The following RYR1 variants were observed in gnomAD, a reference collection of about 807,000 sequenced individuals.
The protein encoded by RYR1 is central core disease of muscle.
Under a neutral mutation model 583.5 loss-of-function variants are expected in RYR1, and 342 were observed. That is an observed-to-expected ratio of 0.59 (90% CI 0.54 to 0.64). RYR1 has a LOEUF of 0.64. Among genes scored for constraint, RYR1 ranks in the 30% least tolerant of loss-of-function variants. The pLI, the probability that RYR1 is intolerant of heterozygous loss-of-function variation, is 0.00. For synonymous variants in RYR1, 2,791 were observed against 2,822.5 expected (o/e 0.99, Z 0.35); for missense variants, 6,032 against 6,917.2 (o/e 0.87, Z 4.54).
At chr19:38,521,097 A>T (rs1199118336) in intron 67 of RYR1, among the ~76,000 whole-genome samples, 1 of 152,106 alleles carries the variant, frequency 6.6e-6, no homozygotes, top group Non-Finnish European at 1.5e-5. Flanking sequence ...CAACATGGCT[A>T]GACCCTGTCT....
At chr19:38,520,147 C>T (rs1971160859) in intron 67 of RYR1, among the ~76,000 whole-genome samples, 1 of 147,110 alleles carries the variant, frequency 6.8e-6, no homozygotes, top group Non-Finnish European at 1.5e-5. Flanking sequence ...ATGATCATGG[C>T]TTGCTGCAGC....
Position 38,565,453 on chromosome 19 carries a change from G to A in RYR1, c.13119G>A (p.Lys4373=). The A allele has an allele frequency of 6.7e-7, 1 of 1,500,254 alleles. No individual in the cohort carries two copies. Among genetic ancestry groups the A allele is most frequent in the Non-Finnish European group, 8.8e-7 (1 of 1,132,122 alleles). The allele number at this position is 1,500,254 out of a possible 1,614,324, so 92.9% of individuals were successfully genotyped here. ...GCGGCCTGGTGGAGGGCGCCAAGAAGGTGACGGTGACCGAGCTCCTGGCAG... is the reference window on the plus strand; with the variant it reads ...GCGGCCTGGTGGAGGGCGCCAAGAAAGTGACGGTGACCGAGCTCCTGGCAG... ...FGGGLVEGAK[K]VTVTELLAGM... The change falls in exon 91 of 106, where the codon AAG becomes AAA. Residue 4373 remains lysine (K), a synonymous_variant. Coordinates refer to ENST00000359596, the MANE Select transcript of RYR1 (RefSeq NM_000540.3). This position sits in a 1 kb window ranked among gnomAD's most constrained non-coding sequence, Gnocchi z 4.7.
chr19:38,467,742 C>T lies in RYR1; in HGVS notation c.3311C>T (p.Ala1104Val), dbSNP rs149096607. 44 of 1,614,082 alleles carry T rather than the reference C, an allele frequency of 2.7e-5. No individual in the cohort carries two copies. The highest frequency in any genetic ancestry group is 2.2e-4 in the Admixed American group (13 of 59,998). ...VTTGEMRVGW[A>V]RPELRPDVEL... ...ACAGGCGAGATGCGCGTGGGCTGGG[C>T]GAGGCCCGAGCTGAGGCCTGATGTA... The change falls in exon 25 of 106, where the codon GCG (alanine) becomes GTG (valine). Residue 1104 changes from alanine to valine, a missense_variant. Coordinates refer to ENST00000359596, the MANE Select transcript of RYR1 (RefSeq NM_000540.3).
In RYR1 at chr19:38,486,155, G is replaced by A. The variant is rs1485656805; in HGVS notation, c.5500G>A (p.Val1834Met). 6 of 1,612,982 alleles carry A rather than the reference G, an allele frequency of 3.7e-6. No homozygotes were observed. Among genetic ancestry groups the A allele is most frequent in the Middle Eastern group, 1.6e-4 (1 of 6,084 alleles). ...CGCTCGCGACCCCGTCGGGGGCTCC[G>A]TGGAGTTCCAGTTTGTGCCTGTGCT... is the stretch of plus-strand genomic sequence containing the variant. Reference protein sequence around the residue: ...QHARDPVGGSVEFQFVPVLKL... With the variant: ...QHARDPVGGSMEFQFVPVLKL... The change falls in exon 34 of 106, where the codon GTG becomes ATG. Residue 1834 changes from valine to methionine, a missense_variant. By Grantham distance (21) the Val-to-Met change is conservative (BLOSUM62 1). Around this residue, in one of 11 missense-constraint regions of RYR1, gnomAD observed 2,627 missense variants for 2,961.3 expected, o/e 0.89. Transcript: ENST00000359596.
chr19:38,515,052 C>T lies in RYR1; in HGVS notation c.9499C>T (p.Arg3167Ter), dbSNP rs1171637302. 7 of 1,613,568 alleles carry T rather than the reference C, an allele frequency of 4.3e-6. No homozygotes were observed. Among genetic ancestry groups the T allele is most frequent in the South Asian group, 1.1e-5 (1 of 91,030 alleles). ...GGACGACGTCCAGGTCTCTTGCTAC[C>T]GAACGCTGTGCAGTATCTACTCCCT... ...ILDDVQVSCY[R>*]TLCSIYSLGT... is the part of the protein sequence containing the mutation. The change falls in exon 64 of 106, where the codon CGA becomes TGA. Residue 3167 changes from arginine (R) to a stop codon, truncating the protein, a stop_gained. Transcript: ENST00000359596. LOFTEE classifies it high-confidence loss of function.
rs1971017559 is a variant in RYR1 at position 38,517,367 on chromosome 19, C to A, written c.9694C>A (p.Leu3232Ile). 6.2e-7 allele frequency: 1 copy of A among 1,613,592 alleles called. No homozygotes were observed. The highest frequency in any genetic ancestry group is 1.1e-5 in the South Asian group (1 of 91,066). Residue 3232 changes from leucine (L) to isoleucine (I), a missense_variant, in exon 66 of 106, where the codon CTC becomes ATC. By Grantham distance (5) the Leu-to-Ile change is conservative. This residue lies in a region of RYR1 where 1,493 missense variants were observed against 1,715.5 expected (regional missense o/e 0.87). Transcript: ENST00000359596. Reference sequence around the variant, plus strand: ...CCGTCCCTGTACCCCAGTCCTGGGGCTCCCCAACAGTGTGGAGGAGATGTG... The same window carrying A: ...CCGTCCCTGTACCCCAGTCCTGGGGATCCCCAACAGTGTGGAGGAGATGTG... Reference protein sequence around the residue: ...KSPRERAILGLPNSVEEMCPD... With the variant: ...KSPRERAILGIPNSVEEMCPD...
At chr19:38,574,187 G>A (rs749136561) in intron 96 of RYR1, among the ~76,000 whole-genome samples, 1 of 150,062 alleles carries the variant, frequency 6.7e-6, no homozygotes, top group Non-Finnish European at 1.5e-5. Context: ...TTAAACCTGC[G>A]AGGTGGAGGT....
At chr19:38,542,684 A>G (rs1469373084) in intron 84 of RYR1, among the ~76,000 whole-genome samples, 3 of 151,274 alleles carry the variant, frequency 2.0e-5, no homozygotes, top group Admixed American at 2.0e-4. Flanking sequence ...ACACCTGGCT[A>G]ATTTTGTATT....
At chr19:38,461,743 AAG>A (rs1967762546) in intron 20 of RYR1, among the ~76,000 whole-genome samples, 5 of 139,670 alleles carry the variant, frequency 3.6e-5, no homozygotes, top group African/African-American at 1.3e-4. Context: ...AAAAAAAAGA[AAG>A]GGAGAGAGAG....
intron 72 of RYR1, 85 bp from the exon 73 acceptor site, chr19:38,527,562 G>A: frequency 1.9e-6 from 3 of 1,566,220 alleles, no homozygotes; most frequent in Non-Finnish European, 2.6e-6. Flanking sequence ...CACCCATTGA[G>A]TCCTCCCAAA....
At chr19:38,533,245 A>G (rs1281324055) in intron 78 of RYR1, among the ~76,000 whole-genome samples, 1 of 152,172 alleles carries the variant, frequency 6.6e-6, no homozygotes, top group African/African-American at 2.4e-5. Context: ...CCAGGCAGCA[A>G]GAAAGAGCTA....
At position 38,528,595 on chromosome 19, in the gene RYR1, G is replaced by A. The variant is rs374114373; in HGVS notation, c.10938-4G>A. ...CCCAGTGACGTCACACCTCTCCCCTGCAGGCACCGGGCATGTAACATGTTC... is the reference window on the plus strand; with the variant it reads ...CCCAGTGACGTCACACCTCTCCCCTACAGGCACCGGGCATGTAACATGTTC... On this transcript the variant is annotated splice_region_variant and splice_polypyrimidine_tract_variant and intron_variant, in intron 74 of 105. Transcript: ENST00000359596. 1.9e-5 allele frequency: 31 copies of A among 1,614,124 alleles called. No individual in the cohort carries two copies. In the African/African-American group the frequency reaches 3.9e-4, roughly 20 times the overall value.
chr19:38,502,481 C>T (rs1190841473), intron 47 of RYR1, 26 bp from the exon 48 acceptor site: 3 of 1,592,684 alleles, frequency 1.9e-6, no homozygotes, highest in South Asian at 2.3e-5. Flanking sequence ...GTGCAGCGGG[C>T]CTGATGTCCT....
chr19:38,522,624 G>A (rs1279095700), intron 67 of RYR1, among the ~76,000 whole-genome samples: 2 of 150,278 alleles, frequency 1.3e-5, no homozygotes, highest in African/African-American at 5.0e-5. Flanking sequence ...GAAAGAAAGA[G>A]AGAGAGAGAG....
At chr19:38,519,827 T>C (rs1971143941) in intron 67 of RYR1, among the ~76,000 whole-genome samples, 1 of 151,886 alleles carries the variant, frequency 6.6e-6, no homozygotes. Flanking sequence ...TACAGGTGCA[T>C]GCCACCACGC....
At chr19:38,517,883 A>T (rs1971048021) in intron 66 of RYR1, among the ~76,000 whole-genome samples, 192 bp downstream of exon 66, 1 of 152,126 alleles carries the variant, frequency 6.6e-6, no homozygotes, top group Non-Finnish European at 1.5e-5. Flanking sequence ...CTTTGGGAGG[A>T]TCAGTTGAGG....
intron 47 of RYR1, among the ~76,000 whole-genome samples, chr19:38,501,508 T>G (rs1258765599): frequency 6.6e-6 from 1 of 152,118 alleles, no homozygotes; most frequent in Admixed American, 6.5e-5. Context: ...AAAAAAATAT[T>G]TTGTTCGCAG....
chr19:38,464,775 C>G (rs1968004965), intron 23 of RYR1, 53 bp downstream of exon 23: 2 of 1,498,078 alleles, frequency 1.3e-6, no homozygotes, highest in Non-Finnish European at 1.8e-6. Context: ...GCTGGGGATG[C>G]TGTGCTAAGG....
chr19:38,517,721 G>A, intron 66 of RYR1, 30 bp downstream of exon 66: 1 of 1,603,388 alleles, frequency 6.2e-7, no homozygotes, highest in Non-Finnish European at 8.5e-7. Context: ...GCCTCTGAGG[G>A]GTGGGTCAGC....
Sources: gnomAD v4.1 joint callset for allele counts (sites outside exome capture counted in the v4.1 genomes callset) on GRCh38, gnomAD v4.1.1 for gene constraint, gnomAD v4.1.1 regional missense constraint, Gnocchi (gnomAD v3.1) non-coding constraint, MANE v1.5 for transcripts, NCBI Gene and HGNC (gene_info 2026-07-23, HGNC 2026-07-21) for gene names.